The following RYR3 variants were observed in gnomAD, a reference collection of about 807,000 sequenced individuals.
RYR3 encodes the protein brain ryanodine receptor-calcium release channel.
A neutral mutation model predicts 584.3 loss-of-function variants in RYR3; 207 were observed. The observed-to-expected ratio is 0.35, with a 90% confidence interval of 0.32 to 0.40. RYR3 has a LOEUF of 0.40. Among genes scored for constraint, RYR3 ranks in the 10% least tolerant of loss-of-function variants. The probability of loss-of-function intolerance (pLI) is 1.00; values close to 1 mark genes in which losing one functional copy is unlikely to be tolerated. For missense variants in RYR3, 5,616 were observed against 6,089.2 expected, an observed-to-expected ratio of 0.92 and a Z score of 2.59; for synonymous variants, 2,416 against 2,248.5, an observed-to-expected ratio of 1.07 and a Z score of -2.11.
intron 93 of RYR3, chr15:33,847,656 C>G (rs2078812739): frequency 6.6e-6 from 1 of 152,314 alleles, no homozygotes; most frequent in Non-Finnish European, 1.5e-5. Context: ...ACCACTATAT[C>G]TAGTCTAAAA....
chr15:33,427,900 C>A (rs895222968), intron 1 of RYR3, among the ~76,000 whole-genome samples: 1 of 152,230 alleles, frequency 6.6e-6, no homozygotes, highest in East Asian at 1.9e-4. Flanking sequence ...TAGCAAAGGG[C>A]AGGCCTTAAG....
At chr15:33,462,305 A>C (rs984804095) in intron 1 of RYR3, among the ~76,000 whole-genome samples, 5 of 152,224 alleles carry the variant, frequency 3.3e-5, no homozygotes, top group Admixed American at 3.3e-4. Flanking sequence ...GTGAGTGTGC[A>C]CATAAAGGAT....
chr15:33,710,411 T>G (rs1234497211), intron 43 of RYR3, among the ~76,000 whole-genome samples: 3 of 149,060 alleles, frequency 2.0e-5, no homozygotes, highest in Non-Finnish European at 4.4e-5. Flanking sequence ...TGGTGCAATC[T>G]TAGCTGACTG....
intron 3 of RYR3, among the ~76,000 whole-genome samples, chr15:33,529,798 A>G (rs1478320726): frequency 6.6e-6 from 1 of 152,132 alleles, no homozygotes; most frequent in African/African-American, 2.4e-5. Context: ...CTCACCTCTA[A>G]CTATAATAAA....
intron 51 of RYR3, among the ~76,000 whole-genome samples, chr15:33,741,808 G>T (rs1432848693): frequency 6.6e-6 from 1 of 152,020 alleles, no homozygotes; most frequent in East Asian, 1.9e-4. Flanking sequence ...TAGAGACGGG[G>T]TTTCACCGTG....
At chr15:33,432,531 C>A (rs369305592) in intron 1 of RYR3, among the ~76,000 whole-genome samples, 1 of 151,300 alleles carries the variant, frequency 6.6e-6, no homozygotes, top group Non-Finnish European at 1.5e-5. Context: ...GATAGTCAAC[C>A]GTGTTTTCCG....
chr15:33,526,291 C>T (rs558977120), intron 3 of RYR3, among the ~76,000 whole-genome samples: 7 of 152,180 alleles, frequency 4.6e-5, no homozygotes, highest in Non-Finnish European at 1.0e-4. Context: ...GCTAGTGGAA[C>T]ATTTTTCCTC....
At position 33,460,133 on chromosome 15, in the gene RYR3, A is replaced by G. The variant is rs532786028; in HGVS notation, c.52-13286A>G. Among the ~76,000 whole-genome samples the G allele has an allele frequency of 2.6e-5, 4 of 152,346 alleles. No individual in the cohort carries two copies. In the South Asian group the frequency reaches 8.3e-4, roughly 32 times the overall value. ...AATTTTAATGGCAGGGCATATGGTC[A>G]GAAGGTCAGCAGAGTGATTGGACAT... is the stretch of plus-strand genomic sequence containing the variant. On this transcript the variant is annotated intron_variant, in intron 1 of 103. Coordinates refer to ENST00000634891, the MANE Select transcript of RYR3 (RefSeq NM_001036.6).
intron 7 of RYR3, among the ~76,000 whole-genome samples, chr15:33,542,804 A>C (rs2055929614): frequency 6.6e-6 from 1 of 152,136 alleles, no homozygotes; most frequent in South Asian, 2.1e-4. Flanking sequence ...ACTAACCTGG[A>C]GAATTTCTTA....
intron 1 of RYR3, among the ~76,000 whole-genome samples, chr15:33,397,539 C>T (rs2042373232): frequency 6.6e-6 from 1 of 152,172 alleles, no homozygotes; most frequent in Non-Finnish European, 1.5e-5. Flanking sequence ...AAAGCAGTCT[C>T]TTGTCCAATC....
intron 83 of RYR3, 36 bp from the exon 84 acceptor site, chr15:33,826,636 C>G: frequency 6.5e-7 from 1 of 1,537,934 alleles, no homozygotes; most frequent in Non-Finnish European, 9.0e-7. Context: ...TGGTGAGAAG[C>G]CAAACCAATG....
intron 56 of RYR3, 42 bp from the exon 57 acceptor site, chr15:33,750,120 CA>C (rs1179028688): frequency 6.2e-7 from 1 of 1,607,578 alleles, no homozygotes; most frequent in Admixed American, 1.7e-5. Context: ...CCCAGAAGTG[CA>C]AAGGAAGAGC....
intron 43 of RYR3, among the ~76,000 whole-genome samples, chr15:33,716,287 C>T (rs765600904): frequency 1.8e-4 from 28 of 152,170 alleles, no homozygotes; most frequent in Non-Finnish European, 2.8e-4. Context: ...TGGCCTAACA[C>T]ACTGTTGCAT....
chr15:33,592,885 A>C (rs1422858353), intron 16 of RYR3, among the ~76,000 whole-genome samples: 1 of 152,244 alleles, frequency 6.6e-6, no homozygotes, highest in East Asian at 1.9e-4. Flanking sequence ...AGTCCTGACG[A>C]CATGTGCTGA....
In RYR3 at chr15:33,662,901, G is replaced by A. The variant is rs866099279; in HGVS notation, c.5371G>A (p.Val1791Ile). Residue 1791 changes from valine to isoleucine, a missense_variant, in exon 35 of 104, where the codon GTC becomes ATC. By Grantham distance (29) the Val-to-Ile change is conservative. Coordinates refer to ENST00000634891, the MANE Select transcript of RYR3 (RefSeq NM_001036.6). ...GGAGAAGGCCGGCAAGGAGGCTCCT[G>A]TCAAAGGCTTGTTGCAGACTCGATT... ...AGEKAGKEAP[V>I]KGLLQTRLPE... The A allele has an allele frequency of 6.2e-7, 1 of 1,613,314 alleles. No individual in the cohort carries two copies. The highest frequency in any genetic ancestry group is 1.3e-5 in the African/African-American group (1 of 74,936).
At chr15:33,860,304 A>C (rs1461701633) in intron 100 of RYR3, among the ~76,000 whole-genome samples, 6 of 152,152 alleles carry the variant, frequency 3.9e-5, no homozygotes, top group Admixed American at 6.5e-5. Context: ...CAGACTGAAC[A>C]CAAATAGCTA....
intron 23 of RYR3, among the ~76,000 whole-genome samples, 168 bp downstream of exon 23, chr15:33,631,461 TGAA>T (rs2061262423): frequency 2.0e-5 from 3 of 152,168 alleles, no homozygotes; most frequent in Admixed American, 2.0e-4. Flanking sequence ...AGAAGCCTGG[TGAA>T]GAAGTATTTC....
chr15:33,805,360 T>C lies in RYR3; in HGVS notation c.10012-2195T>C, dbSNP rs573414640. 8.5e-5 allele frequency among the ~76,000 whole-genome samples: 13 copies of C among 152,306 alleles called. No individual in the cohort carries two copies. In the East Asian group the frequency reaches 2.5e-3, roughly 29 times the overall value. ...GTGGATCGAAAAAGGACAGGAAATA[T>C]TTTTGAAGCTATCTTTGAGTTTTTC... is the stretch of plus-strand genomic sequence containing the variant. On this transcript the variant is annotated intron_variant, in intron 69 of 103. Coordinates refer to ENST00000634891, the MANE Select transcript of RYR3 (RefSeq NM_001036.6).
intron 1 of RYR3, among the ~76,000 whole-genome samples, chr15:33,372,336 T>C (rs1268363663): frequency 6.7e-6 from 1 of 150,178 alleles, no homozygotes; most frequent in Admixed American, 6.7e-5. Flanking sequence ...GGACTCAAGA[T>C]GCACTCTGCC....
Sources: allele counts gnomAD v4.1 joint callset (sites outside exome capture counted in the v4.1 genomes callset), GRCh38; gene constraint gnomAD v4.1.1; transcripts MANE v1.5; gene names NCBI Gene and HGNC (gene_info 2026-07-23, HGNC 2026-07-21).